The following FRMD1 variants were observed in gnomAD, a reference collection of about 807,000 sequenced individuals.
FRMD1 encodes FERM domain containing 1.
A neutral mutation model predicts 54.9 loss-of-function variants in FRMD1; 51 were observed. The ratio of observed to expected loss-of-function variants is 0.93; its 90% confidence interval spans 0.74 to 1.17. The LOEUF is 1.17. Ranked by LOEUF, FRMD1 falls within the 50% of genes most tolerant of loss-of-function variation. FRMD1 has a pLI of 0.00. For missense variants in FRMD1, 729 were observed against 743.0 expected, an observed-to-expected ratio of 0.98 and a Z score of 0.22; for synonymous variants, 324 against 306.4, an observed-to-expected ratio of 1.06 and a Z score of -0.60.
At chr6:168,075,885 T>G in intron 1 of FRMD1, 2 of 417,400 alleles carry the variant, frequency 4.8e-6, no homozygotes, top group Non-Finnish European at 3.4e-6. Flanking sequence ...GTGTCCACAT[T>G]TCCGGCGTCC....
intron 4 of FRMD1, chr6:168,065,407 C>T: frequency 9.5e-7 from 1 of 1,053,482 alleles, no homozygotes; most frequent in Non-Finnish European, 1.1e-6. Flanking sequence ...TGGAGGTGCA[C>T]AGGGCCTGGA....
At position 168,053,646 on chromosome 6, in the gene FRMD1, T is replaced by TGAG. The variant is rs3832454; in HGVS notation, c.*3450_*3451insCTC. ...GCCGCCTGTCCCAAACACGGACGGC[T>TGAG]TTTTCTGCAAGTTTTACAAACTGAT... On this transcript the variant is annotated 3_prime_UTR_variant, in exon 11 of 11. Transcript: ENST00000283309. The TGAG allele has an allele frequency of 0.37, 56,494 of 152,052 alleles. 10,812 individuals carry two copies. Among genetic ancestry groups the TGAG allele is most frequent in the African/African-American group, 0.48 (20,082 of 41,462 alleles). The allele number at this position is 152,052 out of a possible 1,614,324, so 9.4% of individuals were successfully genotyped here. A position where few individuals can be genotyped will look rare whatever the true frequency, so the allele number is the denominator to read the frequency against.
At position 168,076,637 on chromosome 6, in the gene FRMD1, C is replaced by T. The variant is rs547107649; in HGVS notation, c.214-1302G>A. ...ATGACTGTAAGTTTCCTGAGGCCTC[C>T]CCAGCCATGTGGAACTGTGAGTCAA... On this transcript the variant is annotated intron_variant, in intron 1 of 10. Coordinates refer to ENST00000283309, the MANE Select transcript of FRMD1 (RefSeq NM_024919.6). Among the ~76,000 whole-genome samples the T allele has an allele frequency of 3.3e-5, 5 of 152,328 alleles. No homozygotes were observed. The South Asian group carries it at 1.0e-3, about 32-fold the overall frequency.
intron 5 of FRMD1, among the ~76,000 whole-genome samples, chr6:168,064,248 A>AAGGTGCACAGGATAGAG (rs1481302375): frequency 7.2e-5 from 11 of 152,208 alleles, no homozygotes; most frequent in Non-Finnish European, 1.5e-4. Flanking sequence ...AGAAGGCCCC[A>AAGGTGCACAGGATAGAG]AGGTGCACAG....
chr6:168,059,107 C>G lies in FRMD1; in HGVS notation c.1407+17G>C, dbSNP rs767111189. 9 of 1,555,600 alleles carry G rather than the reference C, an allele frequency of 5.8e-6. No individual in the cohort carries two copies. The highest frequency in any genetic ancestry group is 1.9e-5 in the Admixed American group (1 of 53,918). ...AGGAGCAGGGCCAGGGCTTCTGGCCCGTGGGGGGGACTCTACCTGGTGCAC... is the reference window on the plus strand; with the variant it reads ...AGGAGCAGGGCCAGGGCTTCTGGCCGGTGGGGGGGACTCTACCTGGTGCAC... On this transcript the variant is annotated intron_variant, in intron 10 of 10. Transcript: ENST00000283309. The surrounding 1 kb of genome is among the most constrained non-coding windows in gnomAD (Gnocchi z 4.4).
chr6:168,069,142 C>G (rs567764740), intron 2 of FRMD1, among the ~76,000 whole-genome samples: 10 of 152,186 alleles, frequency 6.6e-5, no homozygotes, highest in Admixed American at 2.0e-4. Context: ...CTGTTATCTA[C>G]CCCCATCTCA....
At chr6:168,081,647 TC>T (rs796101982), upstream of FRMD1, 7 of 870,868 alleles carry the variant, frequency 8.0e-6, no homozygotes, top group African/African-American at 1.0e-4. Flanking sequence ...GGAATGCTGT[TC>T]CGTGGTGAGA....
upstream of FRMD1, among the ~76,000 whole-genome samples, chr6:168,082,460 G>A (rs1347517342): frequency 6.6e-6 from 1 of 152,204 alleles, no homozygotes. Flanking sequence ...AGGGGTGCCC[G>A]CTGGGTCCCC....
chr6:168,078,478 A>T (rs1223203677), intron 1 of FRMD1, among the ~76,000 whole-genome samples: 1 of 151,932 alleles, frequency 6.6e-6, no homozygotes, highest in African/African-American at 2.4e-5. Context: ...CGGTCCAGGG[A>T]CTTTCCATAC....
intron 1 of FRMD1, among the ~76,000 whole-genome samples, chr6:168,089,665 G>A (rs190904308): frequency 7.2e-5 from 11 of 152,348 alleles, no homozygotes; most frequent in East Asian, 1.9e-4. Context: ...GGCAGGCCCC[G>A]TCTGTCCTCA....
rs1799339022 is a variant in FRMD1 at position 168,054,235 on chromosome 6, CAGTGGGGGGCTG to C, written c.*2850_*2861del. The stretch of plus-strand genomic sequence containing the variant: ...CCAGCGAGACCCACAGAAGCAGACG[CAGTGGGGGGCTG>C]AGAAACCCAGCCTGAACAAGCTCTC... On this transcript the variant is annotated 3_prime_UTR_variant, in exon 11 of 11. Coordinates refer to ENST00000283309, the MANE Select transcript of FRMD1 (RefSeq NM_024919.6). 6.6e-6 allele frequency: 1 copy of C among 152,268 alleles called. No individual in the cohort carries two copies. 9.4% of individuals were successfully genotyped at this position (152,268 alleles called of 1,614,324 possible). A position where few individuals can be genotyped will look rare whatever the true frequency, so the allele number is the denominator to read the frequency against.
rs1236484683 is a variant in FRMD1, at chr6:168,053,488, GA to G, written c.*3608del. ...TAGAGACGACATGACTGGGAACCCC[GA>G]AACGTCTCCCAGCAGACCGAGCCAA... On this transcript the variant is annotated 3_prime_UTR_variant, in exon 11 of 11. Transcript: ENST00000283309. 1 of 152,342 alleles carries G rather than the reference GA, an allele frequency of 6.6e-6. No individual in the cohort carries two copies. The highest frequency in any genetic ancestry group is 6.5e-5 in the Admixed American group (1 of 15,280). The allele number at this position is 152,342 out of a possible 1,614,324, so 9.4% of individuals were successfully genotyped here.
intron 1 of FRMD1, among the ~76,000 whole-genome samples, chr6:168,087,484 AG>A (rs1800940948): frequency 6.6e-6 from 1 of 152,226 alleles, no homozygotes; most frequent in Non-Finnish European, 1.5e-5. Flanking sequence ...CAGTCAACCC[AG>A]GTGCACAGAG....
upstream of FRMD1, chr6:168,081,623 T>C: frequency 9.2e-7 from 1 of 1,090,934 alleles, no homozygotes; most frequent in Non-Finnish European, 1.2e-6. Flanking sequence ...GCACAGGTTT[T>C]GGAAAACAAT....
chr6:168,065,664 C>G, intron 4 of FRMD1: 18 of 986,928 alleles, frequency 1.8e-5, no homozygotes, highest in Non-Finnish European at 2.2e-5. Context: ...TTCACACACC[C>G]CTCACTCTCC....
At chr6:168,091,607 G>A (rs1801017861) in intron 1 of FRMD1, among the ~76,000 whole-genome samples, 1 of 152,214 alleles carries the variant, frequency 6.6e-6, no homozygotes, top group Non-Finnish European at 1.5e-5. Flanking sequence ...GGAGAGGCTG[G>A]CAACTGCATT....
intron 9 of FRMD1, 152 bp downstream of exon 9, chr6:168,060,609 G>A (rs1799669270): frequency 8.2e-6 from 6 of 729,130 alleles, no homozygotes; most frequent in African/African-American, 5.4e-5. Flanking sequence ...CACATTTCCT[G>A]GGACTCAGGT....
chr6:168,092,075 G>A (rs1475917144), intron 1 of FRMD1, among the ~76,000 whole-genome samples: 1 of 152,236 alleles, frequency 6.6e-6, no homozygotes, highest in Admixed American at 6.5e-5. Flanking sequence ...TGGCTCATCT[G>A]TTGGCTCAAA....
intron 9 of FRMD1, among the ~76,000 whole-genome samples, chr6:168,060,236 G>T (rs1419613197): frequency 7.3e-6 from 1 of 137,164 alleles, no homozygotes; most frequent in Non-Finnish European, 1.6e-5. Flanking sequence ...TAGGAGTGGG[G>T]GTCTTCCTAT....
Sources: gnomAD v4.1 joint callset for allele counts (sites outside exome capture counted in the v4.1 genomes callset) on GRCh38, gnomAD v4.1.1 for gene constraint, Gnocchi (gnomAD v3.1) non-coding constraint, MANE v1.5 for transcripts, NCBI Gene and HGNC (gene_info 2026-07-23, HGNC 2026-07-21) for gene names.